PLPP7: variants seen among roughly 807,000 people sequenced by gnomAD.
PLPP7 encodes the protein phospholipid phosphatase 7 (inactive).
Under a neutral mutation model 16.9 loss-of-function variants are expected in PLPP7, and 11 were observed. The observed-to-expected ratio is 0.65, with a 90% CI of 0.41 to 1.08. The LOEUF is 1.08. PLPP7 is among the 50% of genes least tolerant of loss of function. PLPP7 has a pLI of 0.00. For missense variants in PLPP7, 358 were observed against 397.1 expected, an observed-to-expected ratio of 0.90 and a Z score of 0.84; for synonymous variants, 174 against 175.1, an observed-to-expected ratio of 0.99 and a Z score of 0.05.
chr9:131,304,457 A>C (rs574019305), intron 1 of PLPP7, among the ~76,000 whole-genome samples: 5 of 152,340 alleles, frequency 3.3e-5, no homozygotes, highest in Middle Eastern at 3.4e-3. Context: ...CAACATGGCG[A>C]AACCCCGTCT....
chr9:131,304,489 G>C (rs898352817), intron 1 of PLPP7, among the ~76,000 whole-genome samples: 1 of 152,172 alleles, frequency 6.6e-6, no homozygotes, highest in African/African-American at 2.4e-5. Flanking sequence ...ACAGAAATTA[G>C]CCAGCCGTGG....
chr9:131,290,551 G>T lies in PLPP7; in HGVS notation c.451+103G>T. 1 of 1,142,922 alleles carries T rather than the reference G, an allele frequency of 8.7e-7. No homozygotes were observed. Among genetic ancestry groups the T allele is most frequent in the Non-Finnish European group, 1.2e-6 (1 of 842,540 alleles). 70.8% of individuals were successfully genotyped at this position (1,142,922 alleles called of 1,614,324 possible). A position where few individuals can be genotyped will look rare whatever the true frequency, so the allele number is the denominator to read the frequency against. On this transcript the variant is annotated intron_variant, in intron 1 of 1. Coordinates refer to ENST00000372264, the MANE Select transcript of PLPP7 (RefSeq NM_032728.4). This position sits in a 1 kb window ranked among gnomAD's most constrained non-coding sequence, Gnocchi z 4.2. ...GGGACCTGCACAGCCCTCAGAAACC[G>T]GCTGGGATGGTCTAATGAGGTTAGG...
chr9:131,304,090 C>T (rs1835827596), intron 1 of PLPP7, among the ~76,000 whole-genome samples: 1 of 152,142 alleles, frequency 6.6e-6, no homozygotes, highest in South Asian at 2.1e-4. Context: ...GCTGTCTGGC[C>T]TGCTGATGCC....
intron 1 of PLPP7, chr9:131,291,054 G>C (rs887948887): frequency 7.3e-7 from 1 of 1,365,406 alleles, no homozygotes; most frequent in Non-Finnish European, 9.8e-7. Flanking sequence ...AGAAGGGTTC[G>C]GGGGGCCAGT....
chr9:131,308,519 C>T lies in PLPP7; in HGVS notation c.*232C>T. 1 of 697,670 alleles carries T rather than the reference C, an allele frequency of 1.4e-6. No individual in the cohort carries two copies. Among genetic ancestry groups the T allele is most frequent in the African/African-American group, 1.8e-5 (1 of 55,674 alleles). 43.2% of individuals were successfully genotyped at this position (697,670 alleles called of 1,614,324 possible). A position where few individuals can be genotyped will look rare whatever the true frequency, so the allele number is the denominator to read the frequency against. ...GCCCCTTTGCTTGGACTCCAAGTCT[C>T]CTCTCTAGGCAGCCAGGACCCACCC... On this transcript the variant is annotated 3_prime_UTR_variant, in exon 2 of 2. Transcript: ENST00000372264.
chr9:131,291,184 T>TGCCCAGCCCCCGTCCG (rs1412180754), intron 1 of PLPP7: 4 of 1,364,782 alleles, frequency 2.9e-6, no homozygotes, highest in Non-Finnish European at 3.9e-6. Flanking sequence ...CCAGAGGTGA[T>TGCCCAGCCCCCGTCCG]GCCCAGCCCC....
At chr9:131,304,746 GA>G (rs1415694408) in intron 1 of PLPP7, among the ~76,000 whole-genome samples, 1 of 152,304 alleles carries the variant, frequency 6.6e-6, no homozygotes, top group South Asian at 2.1e-4. Flanking sequence ...TAGCCACGGG[GA>G]AAAAAACCTA....
chr9:131,303,795 G>A (rs765026137), intron 1 of PLPP7, among the ~76,000 whole-genome samples: 2 of 152,110 alleles, frequency 1.3e-5, no homozygotes, highest in Non-Finnish European at 2.9e-5. Context: ...CCCCCTCTGG[G>A]AGGTGGGTGT....
At position 131,295,707 on chromosome 9, in the gene PLPP7, C is replaced by T. The variant is rs1388703304; in HGVS notation, c.451+5259C>T. 2.6e-5 allele frequency among the ~76,000 whole-genome samples: 4 copies of T among 152,152 alleles called. No homozygotes were observed. Among genetic ancestry groups the T allele is most frequent in the Non-Finnish European group, 5.9e-5 (4 of 68,028 alleles). ...GCAACCTCCATTCTACACTCTGTCT[C>T]TGTGGATTTGACTGTTCTAGGGACC... On this transcript the variant is annotated intron_variant, in intron 1 of 1. Coordinates refer to ENST00000372264, the MANE Select transcript of PLPP7 (RefSeq NM_032728.4). This position sits in a 1 kb window ranked among gnomAD's most constrained non-coding sequence, Gnocchi z 4.0.
At chr9:131,300,345 C>T (rs1371108953) in intron 1 of PLPP7, among the ~76,000 whole-genome samples, 2 of 152,182 alleles carry the variant, frequency 1.3e-5, no homozygotes, top group African/African-American at 4.8e-5. Flanking sequence ...GTTTCCTACA[C>T]CGAGTCTGTA....
At chr9:131,292,718 G>A (rs1835694207) in intron 1 of PLPP7, 5 of 866,072 alleles carry the variant, frequency 5.8e-6, no homozygotes, top group African/African-American at 1.8e-5. Context: ...GCTCCCCGTG[G>A]TAGGAGGTAT....
At chr9:131,304,260 C>T (rs914086423) in intron 1 of PLPP7, among the ~76,000 whole-genome samples, 25 of 152,166 alleles carry the variant, frequency 1.6e-4, no homozygotes, top group African/African-American at 5.8e-4. Flanking sequence ...CACAGAAAGG[C>T]GGAGCAGCCC....
intron 1 of PLPP7, among the ~76,000 whole-genome samples, chr9:131,306,195 C>A (rs955890645): frequency 2.6e-5 from 4 of 151,014 alleles, no homozygotes; most frequent in African/African-American, 9.8e-5. Flanking sequence ...CGAGATGGCA[C>A]CACTGCACTC....
rs144724973 is a variant in PLPP7, at chr9:131,300,957, T to G, written c.452-6966T>G. Among the ~76,000 whole-genome samples, 562 of 152,138 alleles carry G rather than the reference T, an allele frequency of 3.7e-3. 9 individuals are homozygous for G. The highest frequency in any genetic ancestry group is 0.013 in the African/African-American group (548 of 41,496). Reference sequence around the variant, plus strand: ...CTGTGCTGGAAAGGCAGATTTTATTTATTTATGTATTTATTTATTTATTTA... The same window carrying G: ...CTGTGCTGGAAAGGCAGATTTTATTGATTTATGTATTTATTTATTTATTTA... On this transcript the variant is annotated intron_variant, in intron 1 of 1. Coordinates refer to ENST00000372264, the MANE Select transcript of PLPP7 (RefSeq NM_032728.4).
At chr9:131,302,205 C>G (rs1162506084) in intron 1 of PLPP7, among the ~76,000 whole-genome samples, 1 of 152,140 alleles carries the variant, frequency 6.6e-6, no homozygotes, top group Non-Finnish European at 1.5e-5. Flanking sequence ...AGACTTGAAC[C>G]CCACCTGTGA....
At chr9:131,291,430 G>A (rs1013674284) in intron 1 of PLPP7, 13 of 1,144,920 alleles carry the variant, frequency 1.1e-5, no homozygotes, top group South Asian at 1.8e-5. Context: ...ATAAAAACAC[G>A]TATCTCCCTG....
intron 1 of PLPP7, among the ~76,000 whole-genome samples, chr9:131,305,327 A>G (rs1289074171): frequency 6.6e-6 from 1 of 152,130 alleles, no homozygotes; most frequent in African/African-American, 2.4e-5. Flanking sequence ...AGGTAGGAAG[A>G]TAGCTTGAAG....
chr9:131,307,920 C>T lies in PLPP7; in HGVS notation c.452-3C>T. The T allele has an allele frequency of 6.3e-7, 1 of 1,575,130 alleles. No homozygotes were observed. Among genetic ancestry groups the T allele is most frequent in the Non-Finnish European group, 8.6e-7 (1 of 1,164,494 alleles). On this transcript the variant is annotated splice_polypyrimidine_tract_variant and splice_region_variant and intron_variant, in intron 1 of 1. Transcript: ENST00000372264. ...CCCAGGGGCCTCTGTCTCCCCCCAA[C>T]AGCCCTGCTCCTGGACATCATGACG...
At chr9:131,296,026 G>A (rs1043391146) in intron 1 of PLPP7, among the ~76,000 whole-genome samples, 1 of 151,974 alleles carries the variant, frequency 6.6e-6, no homozygotes, top group East Asian at 1.9e-4. Flanking sequence ...ACTCGGAATC[G>A]AGCTGCTGGA....
Sources: gnomAD v4.1 joint callset for allele counts (sites outside exome capture counted in the v4.1 genomes callset) on GRCh38, gnomAD v4.1.1 for gene constraint, Gnocchi (gnomAD v3.1) non-coding constraint, MANE v1.5 for transcripts, NCBI Gene and HGNC (gene_info 2026-07-23, HGNC 2026-07-21) for gene names.